EML5: variants seen among roughly 807,000 people sequenced by gnomAD.
EML5 encodes EMAP like 5.
A neutral mutation model predicts 250.0 loss-of-function variants in EML5; 120 were observed. The ratio of observed to expected loss-of-function variants is 0.48; its 90% CI spans 0.41 to 0.56. The LOEUF (loss-of-function observed/expected upper bound fraction) is 0.56. Among genes scored for constraint, EML5 ranks in the 20% least tolerant of loss-of-function variants. EML5 has a pLI of 0.00. For synonymous variants in EML5, 771 were observed against 806.5 expected (o/e 0.96, Z 0.75); for missense variants, 2,006 against 2,437.6 (o/e 0.82, Z 3.73).
At chr14:88,739,048 T>C (rs761272631) in intron 5 of EML5, 34 bp from the exon 6 acceptor site, 4 of 1,560,922 alleles carry the variant, frequency 2.6e-6, no homozygotes, top group Non-Finnish European at 3.5e-6. Flanking sequence ...TAACGACAAA[T>C]ATTTTTTAAG....
intron 35 of EML5, 43 bp from the exon 36 acceptor site, chr14:88,625,170 T>G (rs769890469): frequency 3.4e-5 from 54 of 1,603,314 alleles, no homozygotes; most frequent in Admixed American, 5.1e-5. Flanking sequence ...CATCAAAAGT[T>G]CAAATAGAGT....
At position 88,622,687 on chromosome 14, in the gene EML5, C is replaced by G. The variant is rs755300657; in HGVS notation, c.4930G>C (p.Asp1644His). The G allele has an allele frequency of 1.2e-6, 2 of 1,609,734 alleles. No individual in the cohort carries two copies. Among genetic ancestry groups the G allele is most frequent in the East Asian group, 2.2e-5 (1 of 44,678 alleles). ...GCACGGCACCGCCTCAGTTCCTGAT[C>G]CCACAGTTTAACCGCTCCTCCTTCT... ...SKEGGAVKLW[D>H]QELRRCRAFR... is the part of the protein sequence containing the mutation. Residue 1644 changes from aspartate (D) to histidine (H), a missense_variant, in exon 37 of 44, where the codon GAT (aspartate) becomes CAT (histidine). By Grantham distance (81) the Asp-to-His change is moderately conservative. Around this residue, in one of 7 missense-constraint regions of EML5, gnomAD observed 405 missense variants for 523.3 expected, o/e 0.77. Transcript: ENST00000554922.
chr14:88,719,626 T>C (rs2093558564), intron 8 of EML5, among the ~76,000 whole-genome samples: 1 of 152,054 alleles, frequency 6.6e-6, no homozygotes, highest in South Asian at 2.1e-4. Context: ...TATATAATTT[T>C]CTACTTTAAA....
chr14:88,746,845 G>A (rs1009267700), intron 2 of EML5, among the ~76,000 whole-genome samples: 6 of 152,102 alleles, frequency 3.9e-5, no homozygotes, highest in Non-Finnish European at 7.4e-5. Context: ...CTAAAGAAGC[G>A]GAGGCAACTC....
At chr14:88,668,921 C>T (rs1201819738) in intron 21 of EML5, among the ~76,000 whole-genome samples, 1 of 151,776 alleles carries the variant, frequency 6.6e-6, no homozygotes, top group Non-Finnish European at 1.5e-5. Context: ...TGGTCAGAGG[C>T]TCCCACCAAG....
chr14:88,620,563 C>T lies in EML5; in HGVS notation c.5375+191G>A, dbSNP rs1245125299. 4 of 456,274 alleles carry T rather than the reference C, an allele frequency of 8.8e-6. No individual in the cohort carries two copies. Among genetic ancestry groups the T allele is most frequent in the South Asian group, 6.4e-5 (1 of 15,682 alleles). 28.3% of individuals were successfully genotyped at this position (456,274 alleles called of 1,614,324 possible). On this transcript the variant is annotated intron_variant, in intron 39 of 43. Coordinates refer to ENST00000554922, the MANE Select transcript of EML5 (RefSeq NM_183387.3). The surrounding 1 kb of genome is among the most constrained non-coding windows in gnomAD (Gnocchi z 4.3). ...CTAGTACTTGCTATTATAGTTGGTG[C>T]CCAGTGGGTTTATAATTTAGCAAGA...
chr14:88,772,650 G>T (rs2094405571), intron 1 of EML5, among the ~76,000 whole-genome samples: 1 of 152,096 alleles, frequency 6.6e-6, no homozygotes. Context: ...CTACTGGGGA[G>T]GCTGAGGCAG....
Position 88,612,447 on chromosome 14 carries a change from A to G in EML5, c.*3371T>C, listed in dbSNP as rs2086925157. ...ACAGTTCTATACAGTGCTCTCATTT[A>G]CTAATAACATAATGCCTTCTAAATA... On this transcript the variant is annotated 3_prime_UTR_variant, in exon 44 of 44. Transcript: ENST00000554922. 6.6e-6 allele frequency: 1 copy of G among 152,224 alleles called. No individual in the cohort carries two copies. The highest frequency in any genetic ancestry group is 2.1e-4 in the South Asian group (1 of 4,826). 9.4% of individuals were successfully genotyped at this position (152,224 alleles called of 1,614,324 possible). A position where few individuals can be genotyped will look rare whatever the true frequency, so the allele number is the denominator to read the frequency against.
chr14:88,768,775 G>A (rs1199852350), intron 1 of EML5, among the ~76,000 whole-genome samples: 1 of 152,052 alleles, frequency 6.6e-6, no homozygotes, highest in Middle Eastern at 3.2e-3. Flanking sequence ...TCTACTACAA[G>A]GAAGTTATCT....
intron 32 of EML5, among the ~76,000 whole-genome samples, chr14:88,636,482 G>A (rs1343792663): frequency 6.6e-6 from 1 of 152,148 alleles, no homozygotes; most frequent in African/African-American, 2.4e-5. Context: ...CCAACATGGT[G>A]AAACCCCGTC....
chr14:88,789,133 G>T (rs2094580874), intron 1 of EML5, among the ~76,000 whole-genome samples: 1 of 151,652 alleles, frequency 6.6e-6, no homozygotes, highest in Non-Finnish European at 1.5e-5. Context: ...TATAGACCAA[G>T]GTATAGATGT....
chr14:88,769,315 C>A (rs941739525), intron 1 of EML5, among the ~76,000 whole-genome samples: 2 of 152,140 alleles, frequency 1.3e-5, no homozygotes, highest in African/African-American at 2.4e-5. Context: ...CCCCACCTCG[C>A]TTCCTTCTAC....
At chr14:88,711,921 C>A (rs1425321220) in intron 10 of EML5, among the ~76,000 whole-genome samples, 4 of 145,252 alleles carry the variant, frequency 2.8e-5, no homozygotes, top group South Asian at 2.2e-4. Flanking sequence ...CCAGCCTGGG[C>A]AACAGAGTGA....
chr14:88,729,140 CTGTG>C (rs770143005), intron 7 of EML5, among the ~76,000 whole-genome samples: 7 of 151,546 alleles, frequency 4.6e-5, no homozygotes, highest in Admixed American at 1.3e-4. Flanking sequence ...CCTTTCCAAT[CTGTG>C]TGTGTGTACG....
At chr14:88,716,842 T>C (rs1339644311) in intron 8 of EML5, among the ~76,000 whole-genome samples, 2 of 152,164 alleles carry the variant, frequency 1.3e-5, no homozygotes. Flanking sequence ...TATTGTGAAT[T>C]ATATGACCAC....
intron 1 of EML5, among the ~76,000 whole-genome samples, chr14:88,756,426 C>A (rs186393960): frequency 6.6e-6 from 1 of 152,126 alleles, no homozygotes; most frequent in African/African-American, 2.4e-5. Flanking sequence ...TGAAAGCAAT[C>A]CCACTAAGTA....
chr14:88,663,412 CTGTT>C (rs1269271171), intron 23 of EML5, among the ~76,000 whole-genome samples: 2 of 151,962 alleles, frequency 1.3e-5, no homozygotes, highest in African/African-American at 4.8e-5. Flanking sequence ...TAAAGTGTAT[CTGTT>C]TAACTATATT....
intron 10 of EML5, among the ~76,000 whole-genome samples, chr14:88,710,205 A>T (rs1023150455): frequency 2.6e-5 from 4 of 152,190 alleles, no homozygotes; most frequent in African/African-American, 9.7e-5. Flanking sequence ...ATGAAGAAAA[A>T]AATATGAAGA....
chr14:88,637,318 G>A (rs948894797), intron 32 of EML5, among the ~76,000 whole-genome samples: 2 of 152,130 alleles, frequency 1.3e-5, no homozygotes, highest in African/African-American at 4.8e-5. Context: ...AAAGAAAGAG[G>A]AGGGATATAA....
Sources: allele counts gnomAD v4.1 joint callset (sites outside exome capture counted in the v4.1 genomes callset), GRCh38; gene constraint gnomAD v4.1.1; regional missense constraint gnomAD v4.1.1; non-coding constraint Gnocchi (gnomAD v3.1); transcripts MANE v1.5; gene names NCBI Gene and HGNC (gene_info 2026-07-23, HGNC 2026-07-21).